Variants in FLT3 observed in about 807,000 individuals in gnomAD.
FLT3 encodes fms related receptor tyrosine kinase 3.
In FLT3, 46 loss-of-function variants were observed where a neutral mutation model predicts 126.6. The observed-to-expected ratio is 0.36, with a 90% CI of 0.29 to 0.46. FLT3 has a LOEUF of 0.46. Ranked by LOEUF, FLT3 falls within the 20% of genes least tolerant of loss-of-function variation. The pLI is 1.00. For missense variants in FLT3, 1,069 were observed against 1,190.3 expected (o/e 0.90, Z 1.50); for synonymous variants, 404 against 434.4 (o/e 0.93, Z 0.87).
intron 3 of FLT3, among the ~76,000 whole-genome samples, chr13:28,059,662 T>G (rs1209287934): frequency 2.0e-5 from 3 of 152,176 alleles, no homozygotes; most frequent in Non-Finnish European, 4.4e-5. Flanking sequence ...AAAAAAATTT[T>G]TTTTTAAAGA....
intron 9 of FLT3, among the ~76,000 whole-genome samples, chr13:28,043,137 G>A (rs368796870): frequency 6.6e-6 from 1 of 151,980 alleles, no homozygotes; most frequent in Non-Finnish European, 1.5e-5. Flanking sequence ...CTTAGGCAAG[G>A]CTAAGGAGAA....
At chr13:28,094,482 T>C (rs528156667) in intron 1 of FLT3, among the ~76,000 whole-genome samples, 17 of 152,266 alleles carry the variant, frequency 1.1e-4, no homozygotes, top group African/African-American at 3.6e-4. Context: ...CTGTGTGCAC[T>C]TTATATATTT....
intron 15 of FLT3, 23 bp from the exon 16 acceptor site, chr13:28,028,311 A>T: frequency 7.7e-7 from 1 of 1,291,256 alleles, no homozygotes; most frequent in Non-Finnish European, 1.1e-6. Flanking sequence ...GGAGCATTAA[A>T]AATGTAAAAC....
intron 9 of FLT3, among the ~76,000 whole-genome samples, chr13:28,039,483 A>T (rs1874153014): frequency 6.6e-6 from 1 of 151,320 alleles, no homozygotes; most frequent in African/African-American, 2.4e-5. Context: ...TGAATTACGC[A>T]TTTTAAAAAT....
intron 9 of FLT3, among the ~76,000 whole-genome samples, chr13:28,038,653 C>A (rs1299339997): frequency 6.6e-6 from 1 of 152,008 alleles, no homozygotes. Context: ...CAGGGGTTCA[C>A]CGTGTTAGCC....
chr13:28,003,832 A>C lies in FLT3; in HGVS notation c.*220T>G, dbSNP rs1870645514. On this transcript the variant is annotated 3_prime_UTR_variant, in exon 24 of 24. Coordinates refer to ENST00000241453, the MANE Select transcript of FLT3 (RefSeq NM_004119.3). ...TGGATGCAGATCAATGCTCCAATAA[A>C]GTTCATTATCAGCTCCTCCTGCCTT... 1 of 567,212 alleles carries C rather than the reference A, an allele frequency of 1.8e-6. No homozygotes were observed. The highest frequency in any genetic ancestry group is 3.1e-5 in the Admixed American group (1 of 32,746). 35.1% of individuals were successfully genotyped at this position (567,212 alleles called of 1,614,324 possible).
At chr13:28,062,416 G>C (rs1162761474) in intron 2 of FLT3, among the ~76,000 whole-genome samples, 1 of 151,968 alleles carries the variant, frequency 6.6e-6, no homozygotes, top group African/African-American at 2.4e-5. Flanking sequence ...GGGTCATTAG[G>C]GTGGGCCTAA....
Position 28,037,283 on chromosome 13 carries a change from G to T in FLT3, c.1211C>A (p.Ser404Tyr). Reference sequence around the variant, plus strand: ...CTGGTGCTTATGATTGCAAAACTTGGATATGCTGTTTGAAAAAGAATTAAA... The same window carrying T: ...CTGGTGCTTATGATTGCAAAACTTGTATATGCTGTTTGAAAAAGAATTAAA... ...QKGLDNGYSI[S>Y]KFCNHKHQPG... The change falls in exon 10 of 24, where the codon TCC becomes TAC. Residue 404 changes from serine (S) to tyrosine (Y), a missense_variant. Physicochemically the swap from Ser to Tyr is moderately radical, Grantham distance 144. Coordinates refer to ENST00000241453, the MANE Select transcript of FLT3 (RefSeq NM_004119.3). The T allele has an allele frequency of 6.3e-6, 10 of 1,598,004 alleles. No homozygotes were observed. Among genetic ancestry groups the T allele is most frequent in the Non-Finnish European group, 8.6e-6 (10 of 1,166,030 alleles).
chr13:28,094,956 A>AACTAAATC (rs1446473202), intron 1 of FLT3, among the ~76,000 whole-genome samples: 2 of 152,222 alleles, frequency 1.3e-5, no homozygotes, highest in Non-Finnish European at 2.9e-5. Flanking sequence ...AACCAAGAAT[A>AACTAAATC]ACTAAATCAC....
rs1456804307 is a variant in FLT3, at chr13:28,033,995, C to A, written c.1838-4G>T. The A allele has an allele frequency of 6.2e-7, 1 of 1,613,896 alleles. No individual in the cohort carries two copies. Among genetic ancestry groups the A allele is most frequent in the Non-Finnish European group, 8.5e-7 (1 of 1,179,908 alleles). ...GCACCTGATCCTAGTACCTTCCCTG[C>A]AAAGACAAATGGTGAGTACGTGCAT... On this transcript the variant is annotated splice_region_variant and splice_polypyrimidine_tract_variant and intron_variant, in intron 14 of 23. Transcript: ENST00000241453.
intron 1 of FLT3, among the ~76,000 whole-genome samples, chr13:28,074,926 G>A (rs942031594): frequency 5.9e-5 from 9 of 152,086 alleles, no homozygotes; most frequent in Non-Finnish European, 8.8e-5. Context: ...GAGCCACTGC[G>A]CTCAGCCCTC....
At chr13:28,053,307 AC>A (rs1257969715) in intron 4 of FLT3, among the ~76,000 whole-genome samples, 3 of 150,368 alleles carry the variant, frequency 2.0e-5, no homozygotes, top group African/African-American at 7.4e-5. Context: ...TTTCTGACAA[AC>A]TTTTTTTTTT....
chr13:28,035,338 C>A (rs1340910797), intron 12 of FLT3, among the ~76,000 whole-genome samples, 157 bp downstream of exon 12: 1 of 152,200 alleles, frequency 6.6e-6, no homozygotes, highest in Non-Finnish European at 1.5e-5. Flanking sequence ...ACCTGTGAAA[C>A]AGTCTCTCTG....
intron 1 of FLT3, among the ~76,000 whole-genome samples, chr13:28,082,433 G>A (rs1039482111): frequency 5.9e-5 from 9 of 152,028 alleles, no homozygotes; most frequent in African/African-American, 1.9e-4. Flanking sequence ...AAATCACTGG[G>A]ATTACAGGCA....
chr13:28,011,095 A>G lies in FLT3; in HGVS notation c.2859+3357T>C, dbSNP rs1158449809. 3.3e-5 allele frequency among the ~76,000 whole-genome samples: 5 copies of G among 152,012 alleles called. No individual in the cohort carries two copies. The South Asian group carries it at 1.0e-3, about 32-fold the overall frequency. On this transcript the variant is annotated intron_variant, in intron 23 of 23. Transcript: ENST00000241453. ...GGAAGGCTGAGGTGGGCGGATCATG[A>G]GGTCAGGAGTTTGAGACCAGCCCGG... is the stretch of plus-strand genomic sequence containing the variant.
At chr13:28,099,926 G>A (rs1007547976) in intron 1 of FLT3, among the ~76,000 whole-genome samples, 26 of 152,286 alleles carry the variant, frequency 1.7e-4, no homozygotes, top group African/African-American at 6.3e-4. Context: ...CGGCGGGGCT[G>A]GGGGGTATCG....
intron 21 of FLT3, 63 bp downstream of exon 21, chr13:28,015,527 G>GGGGGGGGGGGGGGGC: frequency 1.6e-6 from 1 of 644,466 alleles, no homozygotes; most frequent in Non-Finnish European, 2.8e-6. Context: ...GGGTGGGGCG[G>GGGGGGGGGGGGGGGC]CACCGAGAGA....
At chr13:28,045,677 T>C (rs112279439) in intron 9 of FLT3, among the ~76,000 whole-genome samples, 1 of 151,912 alleles carries the variant, frequency 6.6e-6, no homozygotes, top group Non-Finnish European at 1.5e-5. Flanking sequence ...CTGGCCAACA[T>C]GAAGAAACCC....
intron 15 of FLT3, among the ~76,000 whole-genome samples, chr13:28,033,456 G>A (rs1873537381): frequency 6.6e-6 from 1 of 152,118 alleles, no homozygotes; most frequent in Non-Finnish European, 1.5e-5. Flanking sequence ...TTGAGCTCAG[G>A]AGTCCCAGAT....
Sources: gnomAD v4.1 joint callset for allele counts (sites outside exome capture counted in the v4.1 genomes callset) on GRCh38, gnomAD v4.1.1 for gene constraint, MANE v1.5 for transcripts, NCBI Gene and HGNC (gene_info 2026-07-23, HGNC 2026-07-21) for gene names.